AP2B1: variants seen among roughly 807,000 people sequenced by gnomAD.
The protein encoded by AP2B1 is adaptor related protein complex 2 subunit beta 1.
Under a neutral mutation model 102.0 loss-of-function variants are expected in AP2B1, and 23 were observed. The ratio of observed to expected loss-of-function variants is 0.23; its 90% CI spans 0.16 to 0.32. AP2B1 has a LOEUF of 0.32. Ranked by LOEUF, AP2B1 falls within the 10% of genes least tolerant of loss-of-function variation. The probability of loss-of-function intolerance (pLI) is 1.00; values close to 1 mark genes in which losing one functional copy is unlikely to be tolerated. For missense variants in AP2B1, 541 were observed against 1,157.4 expected (o/e 0.47, Z 7.73); for synonymous variants, 381 against 421.2 (o/e 0.90, Z 1.17).
chr17:35,592,539 CTATTTATT>C (rs915096702), intron 1 of AP2B1, among the ~76,000 whole-genome samples: 3 of 151,376 alleles, frequency 2.0e-5, no homozygotes, highest in African/African-American at 4.9e-5. Context: ...GCCCAAATTC[CTATTTATT>C]TATTTATTTA....
intron 5 of AP2B1, among the ~76,000 whole-genome samples, chr17:35,617,397 C>T (rs963186771): frequency 2.6e-5 from 4 of 151,762 alleles, no homozygotes; most frequent in Admixed American, 6.6e-5. Flanking sequence ...ATTGTAGTGC[C>T]GGATATTAAT....
At position 35,670,514 on chromosome 17, in the gene AP2B1, G is replaced by A. The variant is rs149188425; in HGVS notation, c.1990-343G>A. On this transcript the variant is annotated intron_variant, in intron 14 of 21. Coordinates refer to ENST00000610402, the MANE Select transcript of AP2B1 (RefSeq NM_001030006.2). ...AATAAAGCATATTCGAAATATTGCC[G>A]CTTGGGGATAGAGCGTCTTAGAATA... Among the ~76,000 whole-genome samples the A allele has an allele frequency of 7.0e-4, 106 of 151,952 alleles. 2 individuals are homozygous for A. The highest frequency in any genetic ancestry group is 2.3e-3 in the African/African-American group (94 of 41,402).
intron 12 of AP2B1, among the ~76,000 whole-genome samples, chr17:35,647,442 C>G (rs1006871848): frequency 6.6e-6 from 1 of 151,906 alleles, no homozygotes; most frequent in African/African-American, 2.4e-5. Context: ...ATAATTATCA[C>G]TGTTTCTTTT....
chr17:35,680,397 CTT>C (rs2142991366), intron 17 of AP2B1, among the ~76,000 whole-genome samples: 1 of 152,030 alleles, frequency 6.6e-6, no homozygotes, highest in African/African-American at 2.4e-5. Flanking sequence ...GGGTCTTGCT[CTT>C]TTGCCCAGGC....
intron 14 of AP2B1, chr17:35,659,898 C>T: frequency 1.0e-6 from 1 of 985,350 alleles, no homozygotes; most frequent in Non-Finnish European, 1.2e-6. Flanking sequence ...TATATTCACT[C>T]AGAGAATCAA....
At chr17:35,634,664 A>G (rs1276970013) in intron 9 of AP2B1, among the ~76,000 whole-genome samples, 1 of 152,224 alleles carries the variant, frequency 6.6e-6, no homozygotes, top group East Asian at 1.9e-4. Flanking sequence ...TAGACTTTTA[A>G]GTTTCATAGC....
chr17:35,716,205 CTTGAAGTAGGCATGAGTAAT>C (rs1444289271), intron 20 of AP2B1, among the ~76,000 whole-genome samples: 2 of 152,142 alleles, frequency 1.3e-5, no homozygotes, highest in African/African-American at 4.8e-5. Context: ...GAATTTAGTT[CTTGAAGTAGGCATGAGTAAT>C]TTGAATGCTG....
At chr17:35,657,522 T>A in intron 13 of AP2B1, 77 bp from the exon 14 acceptor site, 2 of 1,199,094 alleles carry the variant, frequency 1.7e-6, no homozygotes, top group Non-Finnish European at 2.4e-6. Context: ...GCTATATGTT[T>A]CACTGTTGTT....
intron 17 of AP2B1, among the ~76,000 whole-genome samples, chr17:35,678,967 TTTG>T (rs1461798885): frequency 1.3e-5 from 2 of 152,040 alleles, no homozygotes; most frequent in East Asian, 3.9e-4. Flanking sequence ...TTGTTGTTTG[TTTG>T]TTTGTTTGTT....
intron 12 of AP2B1, among the ~76,000 whole-genome samples, chr17:35,642,794 C>T (rs2074819514): frequency 6.6e-6 from 1 of 151,454 alleles, no homozygotes; most frequent in Non-Finnish European, 1.5e-5. Context: ...TTGCCTAGTT[C>T]TGAGCCATAA....
chr17:35,684,987 C>T (rs1418534995), intron 18 of AP2B1, among the ~76,000 whole-genome samples: 1 of 152,248 alleles, frequency 6.6e-6, no homozygotes, highest in Non-Finnish European at 1.5e-5. Context: ...GGAACCCTCA[C>T]AAGAGAAGTT....
chr17:35,597,821 G>A, intron 2 of AP2B1, among the ~76,000 whole-genome samples: 1 of 152,190 alleles, frequency 6.6e-6, no homozygotes, highest in South Asian at 2.1e-4. Context: ...TTCTTAATCT[G>A]TAAAGCCGAG....
intron 3 of AP2B1, among the ~76,000 whole-genome samples, chr17:35,605,333 C>T (rs1292704613): frequency 1.3e-5 from 2 of 151,196 alleles, no homozygotes; most frequent in Non-Finnish European, 2.9e-5. Context: ...ACCGCAAACT[C>T]TGCCTCCCAG....
intron 14 of AP2B1, 110 bp downstream of exon 14, chr17:35,657,901 G>A (rs2142881182): frequency 2.1e-6 from 2 of 930,436 alleles, no homozygotes; most frequent in South Asian, 1.8e-5. Context: ...ATGAGCAGTA[G>A]TGTCCTTTGA....
chr17:35,689,332 A>G (rs1228883509), intron 18 of AP2B1, among the ~76,000 whole-genome samples: 1 of 152,086 alleles, frequency 6.6e-6, no homozygotes, highest in Non-Finnish European at 1.5e-5. Context: ...GGCACGTGCC[A>G]CCATACCTAG....
At chr17:35,657,487 C>G (rs143463917) in intron 13 of AP2B1, 112 bp from the exon 14 acceptor site, 11,679 of 716,590 alleles carry the variant, frequency 0.016, 118 homozygotes, top group Non-Finnish European at 0.019. Flanking sequence ...GAGTTTTTCC[C>G]CCTTGTATTT....
chr17:35,656,872 G>A lies in AP2B1; in HGVS notation c.1797-727G>A, dbSNP rs949214924. On this transcript the variant is annotated intron_variant, in intron 13 of 21. Transcript: ENST00000610402. The stretch of plus-strand genomic sequence containing the variant: ...TGCACTCCAGCCTGGGCGACAGAGC[G>A]AGACTCCGTCTCAAAAAAAAAAAAA... Among the ~76,000 whole-genome samples the A allele has an allele frequency of 1.1e-3, 137 of 124,642 alleles. 1 individual carries two copies. The highest frequency in any genetic ancestry group is 1.4e-3 in the Non-Finnish European group (85 of 61,370). 81.8% of individuals were successfully genotyped at this position (124,642 alleles called of 152,430 possible). A position where few individuals can be genotyped will look rare whatever the true frequency, so the allele number is the denominator to read the frequency against.
chr17:35,597,727 G>A (rs1046616157), intron 2 of AP2B1, among the ~76,000 whole-genome samples: 2 of 152,154 alleles, frequency 1.3e-5, no homozygotes, highest in Admixed American at 1.3e-4. Context: ...GTGTGGCCAG[G>A]GCTGAGAACC....
rs2075069743 is a variant in AP2B1, at chr17:35,650,882, CT to C, written c.1796+94del. On this transcript the variant is annotated intron_variant, in intron 13 of 21. Coordinates refer to ENST00000610402, the MANE Select transcript of AP2B1 (RefSeq NM_001030006.2). ...GCTTTTATAGTCTGGAAAAGAACTGCTGTACATTTTTGCTTCTTTATGCTTT... is the reference window on the plus strand; with the variant it reads ...GCTTTTATAGTCTGGAAAAGAACTGCGTACATTTTTGCTTCTTTATGCTTT... 2.1e-6 allele frequency: 3 copies of C among 1,438,542 alleles called. No individual in the cohort carries two copies. In the South Asian group the frequency reaches 4.0e-5, roughly 19 times the overall value. 89.1% of individuals were successfully genotyped at this position (1,438,542 alleles called of 1,614,324 possible). A position where few individuals can be genotyped will look rare whatever the true frequency, so the allele number is the denominator to read the frequency against.
Sources: allele counts gnomAD v4.1 joint callset (sites outside exome capture counted in the v4.1 genomes callset), GRCh38; gene constraint gnomAD v4.1.1; transcripts MANE v1.5; gene names NCBI Gene and HGNC (gene_info 2026-07-23, HGNC 2026-07-21).